FBN1: variants seen among roughly 807,000 people sequenced by gnomAD.
FBN1 encodes the protein fibrillin-1.
In FBN1, 29 loss-of-function variants were observed where a neutral mutation model predicts 365.1. The observed-to-expected ratio is 0.08, with a 90% CI of 0.06 to 0.11. The LOEUF is 0.11. Among genes scored for constraint, FBN1 ranks in the 10% least tolerant of loss-of-function variants. The pLI, the probability that FBN1 is intolerant of heterozygous loss-of-function variation, is 1.00. For synonymous variants in FBN1, 1,210 were observed against 1,270.5 expected, an observed-to-expected ratio of 0.95 and a Z score of 1.01; for missense variants, 2,476 against 3,703.2, an observed-to-expected ratio of 0.67 and a Z score of 8.60.
At chr15:48,491,166 A>T (rs2043554940) in intron 24 of FBN1, among the ~76,000 whole-genome samples, 1 of 152,222 alleles carries the variant, frequency 6.6e-6, no homozygotes, top group African/African-American at 2.4e-5. Context: ...AAATAAACTA[A>T]GACTCAGAAT....
At chr15:48,480,015 T>C (rs1176791619) in intron 32 of FBN1, among the ~76,000 whole-genome samples, 1 of 152,162 alleles carries the variant, frequency 6.6e-6, no homozygotes, top group African/African-American at 2.4e-5. Context: ...GCCAACAGCA[T>C]TGTATACATT....
chr15:48,501,286 T>G (rs997617683), intron 17 of FBN1, among the ~76,000 whole-genome samples: 3 of 152,188 alleles, frequency 2.0e-5, no homozygotes, highest in African/African-American at 7.2e-5. Flanking sequence ...ATGTCATTAT[T>G]ATGGGAGTGA....
intron 15 of FBN1, among the ~76,000 whole-genome samples, chr15:48,506,397 G>A (rs1423575676): frequency 6.6e-6 from 1 of 152,136 alleles, no homozygotes; most frequent in Non-Finnish European, 1.5e-5. Flanking sequence ...ATATATTCGG[G>A]TGGTCCAAGG....
At chr15:48,560,075 G>A (rs984673158) in intron 6 of FBN1, among the ~76,000 whole-genome samples, 1 of 152,130 alleles carries the variant, frequency 6.6e-6, no homozygotes, top group Admixed American at 6.5e-5. Context: ...GACTCAAATT[G>A]CTACTGCATG....
intron 63 of FBN1, among the ~76,000 whole-genome samples, chr15:48,417,444 C>T (rs1302520188): frequency 1.8e-4 from 12 of 66,194 alleles, no homozygotes; most frequent in East Asian, 1.0e-3. Flanking sequence ...CCTCCCCTCC[C>T]TCCTTTCCTT....
intron 60 of FBN1, among the ~76,000 whole-genome samples, chr15:48,422,313 C>T (rs539663085): frequency 2.6e-4 from 40 of 152,280 alleles, no homozygotes; most frequent in Non-Finnish European, 4.7e-4. Flanking sequence ...CAAGAAAACA[C>T]AATTCTAATT....
chr15:48,500,927 T>A (rs2043649519), intron 17 of FBN1, among the ~76,000 whole-genome samples: 1 of 152,206 alleles, frequency 6.6e-6, no homozygotes, highest in African/African-American at 2.4e-5. Flanking sequence ...ACTGAAGACA[T>A]TCCTTTTGAA....
chr15:48,437,187 T>C (rs924378408), intron 52 of FBN1, 110 bp from the exon 53 acceptor site: 9 of 1,108,124 alleles, frequency 8.1e-6, no homozygotes, highest in South Asian at 1.3e-5. Flanking sequence ...TGCAATAATA[T>C]AATTGCTATC....
At chr15:48,525,838 G>A (rs1457458094) in intron 9 of FBN1, among the ~76,000 whole-genome samples, 7 of 152,124 alleles carry the variant, frequency 4.6e-5, no homozygotes, top group African/African-American at 1.7e-4. Context: ...AGAGACACCT[G>A]GGATGGCTTC....
intron 50 of FBN1, among the ~76,000 whole-genome samples, chr15:48,439,366 A>C (rs1307448787): frequency 6.6e-6 from 1 of 152,220 alleles, no homozygotes; most frequent in Non-Finnish European, 1.5e-5. Context: ...GAAGGTCAAG[A>C]GCAATAAAAG....
At chr15:48,643,626 C>T (rs1299599373) in intron 2 of FBN1, 1 of 152,128 alleles carries the variant, frequency 6.6e-6, no homozygotes, top group Non-Finnish European at 1.5e-5. Flanking sequence ...AATAAAGCTA[C>T]AGAACCACTC....
In FBN1 at chr15:48,445,396, G is replaced by A. The variant is rs2043150491; in HGVS notation, c.5897C>T (p.Pro1966Leu). The part of the protein sequence containing the change: ...CQCNEGYEVA[P>L]DGRTCVDINE... ...CTTACCCACACAGGTCCTCCCATCT[G>A]GAGCCACCTCATAGCCTTCATTGCA... Residue 1966 changes from proline (P) to leucine (L), a missense_variant, in exon 48 of 66, where the codon CCA (proline) becomes CTA (leucine). By Grantham distance (98) the Pro-to-Leu change is moderately conservative (BLOSUM62 -3). Around this residue, in one of 5 missense-constraint regions of FBN1, gnomAD observed 1,780 missense variants for 2,840.8 expected, o/e 0.63. Transcript: ENST00000316623. The A allele has an allele frequency of 6.2e-7, 1 of 1,612,502 alleles. No homozygotes were observed. Among genetic ancestry groups the A allele is most frequent in the South Asian group, 1.1e-5 (1 of 91,058 alleles).
intron 32 of FBN1, among the ~76,000 whole-genome samples, chr15:48,480,673 T>C (rs1296864473): frequency 6.6e-6 from 1 of 152,172 alleles, no homozygotes; most frequent in East Asian, 1.9e-4. Flanking sequence ...TTTCTTGAAA[T>C]ATGTTGATAT....
At chr15:48,478,418 C>T (rs893376354) in intron 32 of FBN1, among the ~76,000 whole-genome samples, 1 of 152,130 alleles carries the variant, frequency 6.6e-6, no homozygotes, top group South Asian at 2.1e-4. Context: ...TATGGAATTA[C>T]CCAGAAATCC....
chr15:48,433,065 T>C, intron 54 of FBN1, 77 bp from the exon 55 acceptor site: 1 of 1,547,598 alleles, frequency 6.5e-7, no homozygotes, highest in Admixed American at 1.7e-5. Context: ...ACTAAAACTC[T>C]AAAACTTTAC....
rs1386359432 is a variant in FBN1, at chr15:48,425,874, A to T, written c.7205-10T>A. ...TTGCATTCATCGATATCTGTAATTT[A>T]ACAAATATAAATTAAGAAATATATC... On this transcript the variant is annotated splice_polypyrimidine_tract_variant and intron_variant, in intron 58 of 65. Coordinates refer to ENST00000316623, the MANE Select transcript of FBN1 (RefSeq NM_000138.5). The T allele has an allele frequency of 6.3e-7, 1 of 1,596,992 alleles. No homozygotes were observed. The highest frequency in any genetic ancestry group is 8.6e-7 in the Non-Finnish European group (1 of 1,164,932).
At chr15:48,537,556 G>A in intron 7 of FBN1, 55 bp downstream of exon 7, 1 of 1,596,056 alleles carries the variant, frequency 6.3e-7, no homozygotes, top group Non-Finnish European at 8.6e-7. Context: ...TTGGAGAATG[G>A]CTCTCCAGAG....
intron 4 of FBN1, among the ~76,000 whole-genome samples, chr15:48,602,206 T>C (rs1286990825): frequency 6.6e-6 from 1 of 152,154 alleles, no homozygotes; most frequent in Non-Finnish European, 1.5e-5. Context: ...ATTTCAAATA[T>C]TGCTTCCTTC....
intron 26 of FBN1, 41 bp from the exon 27 acceptor site, chr15:48,488,282 C>T: frequency 6.2e-6 from 10 of 1,614,114 alleles, no homozygotes; most frequent in Non-Finnish European, 8.5e-6. Context: ...AGTCTCAGGA[C>T]AGCCTTAATT....
Sources: gnomAD v4.1 joint callset for allele counts (sites outside exome capture counted in the v4.1 genomes callset) on GRCh38, gnomAD v4.1.1 for gene constraint, gnomAD v4.1.1 regional missense constraint, MANE v1.5 for transcripts, NCBI Gene and HGNC (gene_info 2026-07-23, HGNC 2026-07-21) for gene names.